The following PDE1C variants were observed in gnomAD, a reference collection of about 807,000 sequenced individuals.
The protein encoded by PDE1C is phosphodiesterase 1C, also known as dual specificity calcium/calmodulin-dependent 3',5'-cyclic nucleotide phosphodiesterase 1C.
In PDE1C, 62 loss-of-function variants were observed where a neutral mutation model predicts 93.1. The observed-to-expected ratio is 0.67, with a 90% CI of 0.54 to 0.82. The LOEUF is 0.82. Ranked by LOEUF, PDE1C falls within the 40% of genes least tolerant of loss-of-function variation. The probability of loss-of-function intolerance (pLI) is 0.00; values close to 1 mark genes in which losing one functional copy is unlikely to be tolerated. For missense variants in PDE1C, 742 were observed against 884.6 expected (o/e 0.84, Z 2.04); for synonymous variants, 325 against 310.1 (o/e 1.05, Z -0.50).
At chr7:32,208,786 C>T (rs1010157820) in intron 2 of PDE1C, among the ~76,000 whole-genome samples, 1 of 152,132 alleles carries the variant, frequency 6.6e-6, no homozygotes, top group Admixed American at 6.5e-5. Context: ...GCTGATCACA[C>T]TGGTACAGAA....
the PDE1C span, among the ~76,000 whole-genome samples, chr7:31,691,591 A>T: frequency 6.6e-6 from 1 of 151,988 alleles, no homozygotes; most frequent in African/African-American, 2.4e-5. Context: ...AGCTATAACT[A>T]ATAGCTCTGG....
In PDE1C at chr7:32,047,295, G is replaced by A. The variant is rs146688265; in HGVS notation, c.128+4259C>T. Reference sequence around the variant, plus strand: ...ATTTATGAGTAAGCAGGTTTACAGCGTAATCCTCTCTAGCCGTCAAATTAC... The same window carrying A: ...ATTTATGAGTAAGCAGGTTTACAGCATAATCCTCTCTAGCCGTCAAATTAC... On this transcript the variant is annotated intron_variant, in intron 2 of 17. Coordinates refer to ENST00000396191, the MANE Select transcript of PDE1C (RefSeq NM_001191057.4). Among the ~76,000 whole-genome samples the A allele has an allele frequency of 1.3e-3, 205 of 152,198 alleles. 3 individuals carry two copies. In the East Asian group the frequency reaches 0.031, roughly 23 times the overall value.
the PDE1C span, among the ~76,000 whole-genome samples, chr7:31,665,138 T>C: frequency 6.6e-6 from 1 of 152,232 alleles, no homozygotes; most frequent in South Asian, 2.1e-4. Flanking sequence ...ATTTTCTGAA[T>C]GCATTAAAGC....
chr7:32,049,592 T>G (rs1554485501), intron 2 of PDE1C, among the ~76,000 whole-genome samples: 2 of 152,160 alleles, frequency 1.3e-5, no homozygotes, highest in Non-Finnish European at 1.5e-5. Context: ...CACAGGAATC[T>G]CTACTGTGAG....
chr7:31,955,553 T>C (rs1230169247), intron 2 of PDE1C, among the ~76,000 whole-genome samples: 1 of 152,068 alleles, frequency 6.6e-6, no homozygotes, highest in East Asian at 1.9e-4. Context: ...GTGCCCAAAA[T>C]GGGGTGGGGC....
intron 2 of PDE1C, among the ~76,000 whole-genome samples, chr7:31,914,546 C>T (rs1239669001): frequency 2.6e-5 from 4 of 152,158 alleles, no homozygotes; most frequent in South Asian, 2.1e-4. Context: ...CTATAGTCAA[C>T]TCACTCTAAG....
chr7:31,991,593 G>C (rs897350507), intron 2 of PDE1C, among the ~76,000 whole-genome samples: 1 of 152,202 alleles, frequency 6.6e-6, no homozygotes, highest in South Asian at 2.1e-4. Context: ...GCCTGGGACC[G>C]AGCAGGTGCT....
the PDE1C span, among the ~76,000 whole-genome samples, chr7:31,729,840 A>G: frequency 6.6e-6 from 1 of 152,190 alleles, no homozygotes; most frequent in African/African-American, 2.4e-5. Context: ...AATATTTTAA[A>G]CTATTCTCAG....
At chr7:31,944,094 G>A (rs1180598749) in intron 2 of PDE1C, among the ~76,000 whole-genome samples, 4 of 151,916 alleles carry the variant, frequency 2.6e-5, no homozygotes, top group African/African-American at 7.3e-5. Flanking sequence ...GCCTCCCCTC[G>A]ACTAAAATGA....
At chr7:31,930,876 A>T (rs1021927380) in intron 2 of PDE1C, among the ~76,000 whole-genome samples, 1 of 142,474 alleles carries the variant, frequency 7.0e-6, no homozygotes, top group African/African-American at 2.6e-5. Flanking sequence ...AAAAAAAAAA[A>T]GCTTATCCAC....
At chr7:31,728,110 G>C in the PDE1C span, among the ~76,000 whole-genome samples, 1 of 152,136 alleles carries the variant, frequency 6.6e-6, no homozygotes, top group Admixed American at 6.5e-5. Context: ...TGAGATTATA[G>C]GGACCCAACA....
At chr7:32,312,898 A>T (rs1452143395) in intron 1 of PDE1C, among the ~76,000 whole-genome samples, 1 of 152,234 alleles carries the variant, frequency 6.6e-6, no homozygotes, top group Non-Finnish European at 1.5e-5. Context: ...GCCAAAATTG[A>T]CAAATGGGAT....
In PDE1C at chr7:31,774,770, A is replaced by G. The variant is rs35551506; in HGVS notation, c.1960+894T>C. Among the ~76,000 whole-genome samples the G allele has an allele frequency of 2.6e-5, 4 of 152,356 alleles. No homozygotes were observed. The East Asian group carries it at 7.7e-4, about 29-fold the overall frequency. On this transcript the variant is annotated intron_variant, in intron 17 of 17. Transcript: ENST00000396191. ...AGGAAGGAAACAAAACTCTACATAA[A>G]GTATTAATCTAATTCAAATCTAGAG...
intron 2 of PDE1C, among the ~76,000 whole-genome samples, chr7:32,188,478 C>A (rs1449274518): frequency 6.6e-6 from 1 of 152,076 alleles, no homozygotes; most frequent in Non-Finnish European, 1.5e-5. Context: ...AACTTCTAAT[C>A]ATTGATTAAA....
intron 2 of PDE1C, among the ~76,000 whole-genome samples, chr7:32,173,619 C>T (rs1048291552): frequency 6.6e-6 from 1 of 152,096 alleles, no homozygotes; most frequent in Non-Finnish European, 1.5e-5. Flanking sequence ...ACAAAGCCTC[C>T]TTATGGGGCA....
At chr7:32,369,704 C>T (rs1784289705) in intron 1 of PDE1C, among the ~76,000 whole-genome samples, 1 of 152,182 alleles carries the variant, frequency 6.6e-6, no homozygotes, top group Non-Finnish European at 1.5e-5. Context: ...TACTGTAGTA[C>T]TATTCACAAT....
downstream of PDE1C, among the ~76,000 whole-genome samples, chr7:31,749,742 TTTTTTTTTTA>T (rs1794082022): frequency 6.9e-6 from 1 of 145,664 alleles, no homozygotes; most frequent in Admixed American, 6.9e-5. Context: ...CTAATTTTTT[TTTTTTTTTTA>T]TTTGAGACAG....
chr7:31,640,906 G>C, the PDE1C span, among the ~76,000 whole-genome samples: 4 of 152,152 alleles, frequency 2.6e-5, no homozygotes, highest in Admixed American at 2.0e-4. Context: ...CTGATTTTTA[G>C]CTTTTAGTTT....
chr7:31,754,052 CAAGAAA>C (rs147419720), intron 17 of PDE1C, among the ~76,000 whole-genome samples: 6,851 of 152,066 alleles, frequency 0.045, 545 homozygotes, highest in African/African-American at 0.16. Context: ...TCTTAAAGCT[CAAGAAA>C]AAGAAACAAC....
Sources: allele counts gnomAD v4.1 joint callset (sites outside exome capture counted in the v4.1 genomes callset), GRCh38; gene constraint gnomAD v4.1.1; transcripts MANE v1.5; gene names NCBI Gene and HGNC (gene_info 2026-07-23, HGNC 2026-07-21).